CDC42SE2: variants seen among roughly 807,000 people sequenced by gnomAD.
CDC42SE2 encodes CDC42 small effector protein 2.
In CDC42SE2, 3 loss-of-function variants were observed where a neutral mutation model predicts 11.5. The ratio of observed to expected loss-of-function variants is 0.26; its 90% CI spans 0.12 to 0.67. CDC42SE2 has a LOEUF of 0.67. Ranked by LOEUF, CDC42SE2 falls within the 30% of genes least tolerant of loss-of-function variation. CDC42SE2 has a pLI of 0.80. For synonymous variants in CDC42SE2, 33 were observed against 34.8 expected (o/e 0.95, Z 0.18); for missense variants, 82 against 106.8 (o/e 0.77, Z 1.02).
rs201213733 is a variant in CDC42SE2 at position 131,370,876 on chromosome 5, TTGTC to T, written c.54+11335_54+11338del. ...AACAAGAATGAAGAGGATTAAGCCT[TTGTC>T]TGTCTAGAGTTAGTGAGGATTGGGT... On this transcript the variant is annotated intron_variant, in intron 3 of 4. Transcript: ENST00000505065. 7.1e-3 allele frequency among the ~76,000 whole-genome samples: 1,087 copies of T among 152,230 alleles called. 6 individuals carry two copies. Among genetic ancestry groups the T allele is most frequent in the Middle Eastern group, 0.014 (4 of 294 alleles).
At chr5:131,249,702 G>C (rs1756624729) in intron 1 of CDC42SE2, among the ~76,000 whole-genome samples, 1 of 152,150 alleles carries the variant, frequency 6.6e-6, no homozygotes, top group African/African-American at 2.4e-5. Context: ...CAGCTTTATT[G>C]ATCAGAAAAA....
At position 131,392,546 on chromosome 5, in the gene CDC42SE2, A is replaced by G. The variant is rs1479122267; in HGVS notation, c.*1455A>G. On this transcript the variant is annotated 3_prime_UTR_variant, in exon 5 of 5. Transcript: ENST00000505065. ...GTTTGATTGATTGATTAGAATTGCA[A>G]TAAAAGAAAAGCTTGCATTCATAAG... The G allele has an allele frequency of 1.3e-5, 2 of 152,310 alleles. No homozygotes were observed. Among genetic ancestry groups the G allele is most frequent in the African/African-American group, 4.8e-5 (2 of 41,442 alleles). The allele number at this position is 152,310 out of a possible 1,614,324, so 9.4% of individuals were successfully genotyped here.
At chr5:131,268,940 G>A (rs192169625) in intron 1 of CDC42SE2, among the ~76,000 whole-genome samples, 45 of 151,724 alleles carry the variant, frequency 3.0e-4, no homozygotes, top group Admixed American at 1.7e-3. Context: ...TAGTAGAGCC[G>A]GGGTTTCACC....
At chr5:131,322,744 T>G (rs1380566191) in intron 2 of CDC42SE2, among the ~76,000 whole-genome samples, 1 of 152,218 alleles carries the variant, frequency 6.6e-6, no homozygotes, top group Non-Finnish European at 1.5e-5. Context: ...GTGCTACCTC[T>G]TGGCTAGTAT....
At chr5:131,340,128 C>G (rs1271960990) in intron 2 of CDC42SE2, among the ~76,000 whole-genome samples, 9 of 152,192 alleles carry the variant, frequency 5.9e-5, no homozygotes, top group Admixed American at 5.9e-4. Context: ...CTTCGCTAAA[C>G]TGTCGTGCAA....
chr5:131,382,380 G>A (rs1319689392), intron 3 of CDC42SE2, among the ~76,000 whole-genome samples: 1 of 152,142 alleles, frequency 6.6e-6, no homozygotes, highest in Non-Finnish European at 1.5e-5. Context: ...TATGGTTTCT[G>A]TTCTCCCCCA....
chr5:131,373,265 A>G (rs1022507003), intron 3 of CDC42SE2, among the ~76,000 whole-genome samples: 6 of 152,210 alleles, frequency 3.9e-5, no homozygotes, highest in African/African-American at 1.2e-4. Context: ...AAGAGAGTGA[A>G]GAGGAGAGAG....
intron 2 of CDC42SE2, chr5:131,354,824 T>A (rs1561596643): frequency 6.6e-6 from 1 of 151,694 alleles, no homozygotes; most frequent in Non-Finnish European, 1.5e-5. Context: ...GTCCAAAACG[T>A]AAAAAAAAAT....
chr5:131,239,509 T>C, the CDC42SE2 span, among the ~76,000 whole-genome samples: 1 of 152,220 alleles, frequency 6.6e-6, no homozygotes, highest in East Asian at 1.9e-4. Context: ...TTATTGTGTT[T>C]GGAGGGACTG....
chr5:131,341,956 A>G (rs73249263), intron 2 of CDC42SE2, among the ~76,000 whole-genome samples: 96 of 152,072 alleles, frequency 6.3e-4, no homozygotes, highest in African/African-American at 2.3e-3. Flanking sequence ...TAATTTGAGA[A>G]GTAGCAATGG....
intron 3 of CDC42SE2, among the ~76,000 whole-genome samples, chr5:131,374,318 G>T (rs753771801): frequency 6.6e-6 from 1 of 152,050 alleles, no homozygotes; most frequent in Non-Finnish European, 1.5e-5. Context: ...GCCAAGGCAG[G>T]TGGATCACGA....
At chr5:131,358,430 T>A (rs1749616585) in intron 2 of CDC42SE2, among the ~76,000 whole-genome samples, 1 of 152,002 alleles carries the variant, frequency 6.6e-6, no homozygotes, top group Non-Finnish European at 1.5e-5. Flanking sequence ...AAAACCATCT[T>A]CCACATGAGG....
chr5:131,365,962 C>G (rs1204064745), intron 3 of CDC42SE2, among the ~76,000 whole-genome samples: 1 of 152,158 alleles, frequency 6.6e-6, no homozygotes, highest in Non-Finnish European at 1.5e-5. Flanking sequence ...AGCCTGGAGA[C>G]AGAGCGAGAT....
intron 4 of CDC42SE2, among the ~76,000 whole-genome samples, chr5:131,388,833 A>G (rs1001578985): frequency 1.5e-4 from 23 of 152,104 alleles, no homozygotes; most frequent in African/African-American, 1.2e-4. Context: ...AAAAACAAAC[A>G]AAGATTTTGT....
chr5:131,352,695 C>T (rs889811703), intron 2 of CDC42SE2, among the ~76,000 whole-genome samples: 1 of 151,976 alleles, frequency 6.6e-6, no homozygotes, highest in Non-Finnish European at 1.5e-5. Flanking sequence ...CGGTGTTGTA[C>T]CACACGTGAG....
intron 1 of CDC42SE2, among the ~76,000 whole-genome samples, chr5:131,253,351 A>G (rs1756655947): frequency 6.6e-6 from 1 of 152,202 alleles, no homozygotes; most frequent in African/African-American, 2.4e-5. Flanking sequence ...CCAACAGCTT[A>G]AGGATAGAGA....
At chr5:131,282,180 G>T (rs1757249228) in intron 1 of CDC42SE2, among the ~76,000 whole-genome samples, 1 of 152,174 alleles carries the variant, frequency 6.6e-6, no homozygotes, top group South Asian at 2.1e-4. Flanking sequence ...ACTGAGTTAG[G>T]ATGAGTTAAT....
the CDC42SE2 span, among the ~76,000 whole-genome samples, chr5:131,229,170 T>G: frequency 1.3e-5 from 2 of 151,836 alleles, no homozygotes; most frequent in African/African-American, 2.4e-5. Flanking sequence ...TTATGGGGTG[T>G]GTGTGTGTGT....
chr5:131,315,548 A>G (rs1758024358), intron 1 of CDC42SE2, among the ~76,000 whole-genome samples: 1 of 152,204 alleles, frequency 6.6e-6, no homozygotes, highest in African/African-American at 2.4e-5. Flanking sequence ...GTTAGCTGCT[A>G]ATCAGCTCCA....
Sources: allele counts gnomAD v4.1 joint callset (sites outside exome capture counted in the v4.1 genomes callset), GRCh38; gene constraint gnomAD v4.1.1; transcripts MANE v1.5; gene names NCBI Gene and HGNC (gene_info 2026-07-23, HGNC 2026-07-21).